The following NEDD4L variants were observed in gnomAD, a reference collection of about 807,000 sequenced individuals.
NEDD4L encodes the protein E3 ubiquitin-protein ligase NEDD4-like.
NEDD4L carries 54 observed loss-of-function variants against 148.9 expected under a neutral mutation model. The observed-to-expected ratio is 0.36, with a 90% CI of 0.29 to 0.45. The LOEUF is 0.45. Ranked by LOEUF, NEDD4L falls within the 20% of genes least tolerant of loss-of-function variation. The pLI is 1.00. For synonymous variants in NEDD4L, 433 were observed against 440.7 expected (o/e 0.98, Z 0.22); for missense variants, 856 against 1,233.8 (o/e 0.69, Z 4.59).
At chr18:58,350,637 C>G (rs925055253) in intron 17 of NEDD4L, among the ~76,000 whole-genome samples, 1 of 152,112 alleles carries the variant, frequency 6.6e-6, no homozygotes, top group Admixed American at 6.6e-5. Flanking sequence ...TTATATTAAC[C>G]CCCTCTTCCT....
chr18:58,211,893 G>C (rs1440870910), intron 2 of NEDD4L, among the ~76,000 whole-genome samples: 1 of 152,156 alleles, frequency 6.6e-6, no homozygotes, highest in African/African-American at 2.4e-5. Context: ...GGTTGGTACT[G>C]GCATAACCAG....
chr18:58,134,272 A>C (rs532064338), intron 1 of NEDD4L, among the ~76,000 whole-genome samples: 1 of 152,062 alleles, frequency 6.6e-6, no homozygotes, highest in African/African-American at 2.4e-5. Flanking sequence ...AAGTGCTGGC[A>C]TTACAGGCAT....
intron 1 of NEDD4L, among the ~76,000 whole-genome samples, chr18:58,061,902 A>G (rs2144704423): frequency 6.7e-6 from 1 of 149,076 alleles, no homozygotes; most frequent in South Asian, 2.2e-4. Flanking sequence ...CTAAATAGGA[A>G]GGTTTCTGAT....
At chr18:58,188,461 G>A (rs779534100) in intron 2 of NEDD4L, among the ~76,000 whole-genome samples, 1 of 152,170 alleles carries the variant, frequency 6.6e-6, no homozygotes, top group African/African-American at 2.4e-5. Context: ...CTGCAGACTG[G>A]GAAACAGAGT....
chr18:58,218,808 T>C (rs1180821754), intron 2 of NEDD4L, among the ~76,000 whole-genome samples: 1 of 152,188 alleles, frequency 6.6e-6, no homozygotes, highest in East Asian at 1.9e-4. Flanking sequence ...TGCATCCTTG[T>C]CTCTTTTCAC....
In NEDD4L at chr18:58,366,624, A is replaced by C. The variant is rs1365777278; in HGVS notation, c.2063+396A>C. ...GGTCTCCTGTGTAAAGGCAAATTGTAAGGACTTTGAGGACCTAGGACCATG... is the reference window on the plus strand; with the variant it reads ...GGTCTCCTGTGTAAAGGCAAATTGTCAGGACTTTGAGGACCTAGGACCATG... On this transcript the variant is annotated intron_variant, in intron 21 of 30. Transcript: ENST00000400345. This position sits in a 1 kb window ranked among gnomAD's most constrained non-coding sequence, Gnocchi z 4.2. The C allele has an allele frequency of 1.3e-5, 2 of 158,736 alleles. No individual in the cohort carries two copies. Among genetic ancestry groups the C allele is most frequent in the East Asian group, 3.6e-4 (2 of 5,520 alleles). 9.8% of individuals were successfully genotyped at this position (158,736 alleles called of 1,614,324 possible).
chr18:58,309,920 C>T (rs894309008), intron 5 of NEDD4L, among the ~76,000 whole-genome samples: 6 of 152,140 alleles, frequency 3.9e-5, no homozygotes, highest in African/African-American at 7.2e-5. Context: ...CTCACCACCC[C>T]GATTATACTG....
chr18:58,062,241 G>A (rs2144710904), intron 1 of NEDD4L, among the ~76,000 whole-genome samples: 1 of 152,244 alleles, frequency 6.6e-6, no homozygotes, highest in Non-Finnish European at 1.5e-5. Context: ...GTGCACTTGG[G>A]CTGTTGGGAC....
chr18:58,256,603 C>T lies in NEDD4L; in HGVS notation c.297+4549C>T. 8.1e-7 allele frequency: 1 copy of T among 1,232,256 alleles called. No homozygotes were observed. The highest frequency in any genetic ancestry group is 3.2e-5 in the East Asian group (1 of 31,688). 76.3% of individuals were successfully genotyped at this position (1,232,256 alleles called of 1,614,324 possible). A position where few individuals can be genotyped will look rare whatever the true frequency, so the allele number is the denominator to read the frequency against. Reference sequence around the variant, plus strand: ...TGGCTCCTGAAATCCGCAGGACGAACTCCGCGGAGAGGACTCCGCAGGGCC... The same window carrying T: ...TGGCTCCTGAAATCCGCAGGACGAATTCCGCGGAGAGGACTCCGCAGGGCC... On this transcript the variant is annotated intron_variant, in intron 5 of 30. Transcript: ENST00000400345. The surrounding 1 kb of genome is among the most constrained non-coding windows in gnomAD (Gnocchi z 5.2).
At chr18:58,249,463 A>C (rs1015601998) in intron 4 of NEDD4L, among the ~76,000 whole-genome samples, 1 of 152,236 alleles carries the variant, frequency 6.6e-6, no homozygotes, top group Non-Finnish European at 1.5e-5. Flanking sequence ...TTTTATATTT[A>C]ATATTTAGAA....
At chr18:58,179,246 G>A (rs1396704887) in intron 2 of NEDD4L, among the ~76,000 whole-genome samples, 1 of 152,164 alleles carries the variant, frequency 6.6e-6, no homozygotes, top group South Asian at 2.1e-4. Flanking sequence ...TGTTCTTGAA[G>A]TGAGACTTCA....
chr18:58,340,844 G>T (rs1568763004), intron 13 of NEDD4L, 194 bp from the exon 14 acceptor site: 6 of 573,828 alleles, frequency 1.0e-5, no homozygotes, highest in Non-Finnish European at 1.8e-5. Context: ...AACTGTATGG[G>T]GTTCATTTCA....
At chr18:58,063,888 A>C (rs6566934) in intron 1 of NEDD4L, among the ~76,000 whole-genome samples, 141,248 of 151,480 alleles carry the variant, frequency 0.93, 65,988 homozygotes, top group East Asian at 1. Context: ...GTAAGGTAGA[A>C]CCCCTTTAGA....
At chr18:58,297,422 G>A (rs1440984073) in intron 5 of NEDD4L, among the ~76,000 whole-genome samples, 1 of 152,208 alleles carries the variant, frequency 6.6e-6, no homozygotes, top group Non-Finnish European at 1.5e-5. Context: ...CACTGTGGGA[G>A]ATACAGAGAT....
intron 5 of NEDD4L, among the ~76,000 whole-genome samples, chr18:58,299,558 C>T (rs1007961063): frequency 1.1e-4 from 17 of 152,138 alleles, no homozygotes; most frequent in African/African-American, 3.9e-4. Flanking sequence ...TTGCCATTTA[C>T]TGTGGGTTTG....
chr18:58,387,419 G>GT lies in NEDD4L; in HGVS notation c.2488-8dup, dbSNP rs751368482. ...TTTGAAGGCAATAGGTGTTTAAGAT[G>GT]TTTTTTTTTTTTCTTTCAGGGATTC... On this transcript the variant is annotated intron_variant, in intron 26 of 30. Transcript: ENST00000400345. 87,840 of 821,498 alleles carry GT rather than the reference G, an allele frequency of 0.11. 24 individuals are homozygous for GT. Among genetic ancestry groups the GT allele is most frequent in the South Asian group, 0.16 (7,132 of 45,552 alleles). The allele number at this position is 821,498 out of a possible 1,614,324, so 50.9% of individuals were successfully genotyped here.
At chr18:58,204,372 C>T (rs539727560) in intron 2 of NEDD4L, among the ~76,000 whole-genome samples, 34 of 152,154 alleles carry the variant, frequency 2.2e-4, no homozygotes, top group African/African-American at 6.7e-4. Context: ...TCTGTCTGTA[C>T]CTTGTAGGCA....
At chr18:58,045,998 G>A (rs929901442) in intron 1 of NEDD4L, 5 of 152,186 alleles carry the variant, frequency 3.3e-5, no homozygotes, top group Non-Finnish European at 5.9e-5. Flanking sequence ...GGCATGGTGT[G>A]TGTGTGTGCC....
intron 5 of NEDD4L, among the ~76,000 whole-genome samples, chr18:58,273,302 T>C (rs1473080597): frequency 6.6e-6 from 1 of 152,212 alleles, no homozygotes; most frequent in Admixed American, 6.5e-5. Flanking sequence ...CTCTGAAGCC[T>C]GGGAAAAGTC....
Sources: gnomAD v4.1 joint callset for allele counts (sites outside exome capture counted in the v4.1 genomes callset) on GRCh38, gnomAD v4.1.1 for gene constraint, Gnocchi (gnomAD v3.1) non-coding constraint, MANE v1.5 for transcripts, NCBI Gene and HGNC (gene_info 2026-07-23, HGNC 2026-07-21) for gene names.